TUT1: variants seen among roughly 807,000 people sequenced by gnomAD.
TUT1 encodes the protein speckle targeted PIP5K1A-regulated poly(A) polymerase.
A neutral mutation model predicts 48.8 loss-of-function variants in TUT1; 26 were observed. The observed-to-expected ratio is 0.53, with a 90% CI of 0.39 to 0.74. TUT1 has a LOEUF of 0.74. Ranked by LOEUF, TUT1 falls within the 30% of genes least tolerant of loss-of-function variation. The probability of loss-of-function intolerance (pLI) is 0.00; values close to 1 mark genes in which losing one functional copy is unlikely to be tolerated. For missense variants in TUT1, 1,065 were observed against 1,114.8 expected, an observed-to-expected ratio of 0.96 and a Z score of 0.64; for synonymous variants, 470 against 460.8, an observed-to-expected ratio of 1.02 and a Z score of -0.26.
intron 1 of TUT1, among the ~76,000 whole-genome samples, chr11:62,591,166 A>T (rs2134318476): frequency 6.6e-6 from 1 of 151,524 alleles, no homozygotes; most frequent in South Asian, 2.1e-4. Flanking sequence ...GATGATGGTT[A>T]AAGAAGTAAT....
chr11:62,591,197 G>T, intron 1 of TUT1: 1 of 557,768 alleles, frequency 1.8e-6, no homozygotes, highest in Non-Finnish European at 2.3e-6. Flanking sequence ...AACTTGCGTT[G>T]TGGAGATTTC....
intron 5 of TUT1, 75 bp from the exon 6 acceptor site, chr11:62,577,366 C>T: frequency 8.5e-7 from 1 of 1,171,720 alleles, no homozygotes; most frequent in Non-Finnish European, 1.2e-6. Context: ...TCATTCCAGA[C>T]TTGCATAACT....
rs1590716438 is a variant in TUT1 at position 62,577,347 on chromosome 11, C to G, written c.1161-56G>C. ...GCTTGGGGATGTCAGAACCTACCAC[C>G]CCCAGCTTTCATTCCAGACTTGCAT... On this transcript the variant is annotated intron_variant, in intron 5 of 8. Transcript: ENST00000476907. 2.9e-6 allele frequency: 4 copies of G among 1,376,860 alleles called. No individual in the cohort carries two copies. In the East Asian group the frequency reaches 9.4e-5, roughly 32 times the overall value. 85.3% of individuals were successfully genotyped at this position (1,376,860 alleles called of 1,614,324 possible).
chr11:62,588,758 G>A (rs577884824), intron 2 of TUT1, among the ~76,000 whole-genome samples: 20 of 152,252 alleles, frequency 1.3e-4, no homozygotes, highest in African/African-American at 3.9e-4. Flanking sequence ...ACAGTGGCAC[G>A]ATCTCAGCTT....
intron 1 of TUT1, among the ~76,000 whole-genome samples, chr11:62,590,546 A>G (rs544019494): frequency 6.6e-6 from 1 of 151,942 alleles, no homozygotes; most frequent in Non-Finnish European, 1.5e-5. Flanking sequence ...CTGAGGCAGG[A>G]GAATGGGGTG....
intron 1 of TUT1, 123 bp from the exon 2 acceptor site, chr11:62,589,344 C>G: frequency 2.4e-6 from 2 of 844,666 alleles, no homozygotes; most frequent in Non-Finnish European, 1.8e-6. Context: ...TTTGAATAAA[C>G]AAAGTCCTGG....
At chr11:62,576,345 C>T (rs1941727600) in intron 8 of TUT1, 101 bp from the exon 9 acceptor site, 3 of 1,381,438 alleles carry the variant, frequency 2.2e-6, no homozygotes, top group Non-Finnish European at 2.9e-6. Context: ...TTTTTCCCTT[C>T]CAAGGGGCTC....
intron 4 of TUT1, among the ~76,000 whole-genome samples, chr11:62,580,890 G>A (rs1320083483): frequency 6.6e-6 from 1 of 152,034 alleles, no homozygotes; most frequent in Non-Finnish European, 1.5e-5. Context: ...GATTACAGGC[G>A]CGAGCCACTG....
At position 62,581,630 on chromosome 11, in the gene TUT1, G is replaced by A. The variant is rs1941828348; in HGVS notation, c.345C>T (p.Ser115=). ...GGACACGCAGGCGATGTCCTCCCAG[G>A]CTGTGCTGGGACTGTGACAAGACAG... The part of the protein sequence containing the change: ...REAVLSQSQH[S]LGGHRLRVRP... Residue 115 remains serine, a synonymous_variant, in exon 3 of 9, where the codon AGC becomes AGT. Coordinates refer to ENST00000476907, the MANE Select transcript of TUT1 (RefSeq NM_022830.3). The A allele has an allele frequency of 6.4e-7, 1 of 1,569,188 alleles. No individual in the cohort carries two copies. The highest frequency in any genetic ancestry group is 2.3e-5 in the East Asian group (1 of 44,368).
At chr11:62,587,866 A>C (rs376470715) in intron 2 of TUT1, among the ~76,000 whole-genome samples, 13 of 152,330 alleles carry the variant, frequency 8.5e-5, no homozygotes, top group African/African-American at 2.9e-4. Context: ...ACCAAAACCT[A>C]CAGGGAAGCA....
chr11:62,590,469 T>A (rs1282669825), intron 1 of TUT1, among the ~76,000 whole-genome samples: 1 of 151,974 alleles, frequency 6.6e-6, no homozygotes, highest in Non-Finnish European at 1.5e-5. Context: ...ACCTCGTCTC[T>A]ACTAAAAAAT....
chr11:62,579,082 G>GATA (rs1941782342), intron 4 of TUT1, 52 bp from the exon 5 acceptor site: 1 of 1,313,748 alleles, frequency 7.6e-7, no homozygotes, highest in South Asian at 1.8e-5. Context: ...CCTAAGCAGG[G>GATA]ATCTCTCAAG....
chr11:62,578,677 G>C lies in TUT1; in HGVS notation c.1044C>G (p.Leu348=). The C allele has an allele frequency of 6.2e-7, 1 of 1,614,222 alleles. No homozygotes were observed. The highest frequency in any genetic ancestry group is 8.5e-7 in the Non-Finnish European group (1 of 1,180,046). The change falls in exon 5 of 9, where the codon CTC becomes CTG. Residue 348 remains leucine, a synonymous_variant. Coordinates refer to ENST00000476907, the MANE Select transcript of TUT1 (RefSeq NM_022830.3). ...GATACACCCCAGGGACACAGCCCCG[G>C]AGAATGGATCCCACCAGCTCCAGCA... ...AAMLELVGSI[L]RGCVPGVYRV...
chr11:62,583,171 G>A (rs566041844), intron 2 of TUT1, among the ~76,000 whole-genome samples: 1 of 150,876 alleles, frequency 6.6e-6, no homozygotes, highest in East Asian at 1.9e-4. Flanking sequence ...AATAAACACT[G>A]TGCGAGGCAT....
At chr11:62,576,861 G>C in intron 7 of TUT1, 46 bp downstream of exon 7, 5 of 1,601,110 alleles carry the variant, frequency 3.1e-6, no homozygotes, top group Non-Finnish European at 4.3e-6. Flanking sequence ...ATGAAGAAGA[G>C]AGAGGAAACT....
intron 4 of TUT1, among the ~76,000 whole-genome samples, chr11:62,579,813 G>A (rs1042268292): frequency 2.7e-4 from 41 of 151,812 alleles, no homozygotes; most frequent in Admixed American, 1.7e-3. Flanking sequence ...TTACAGGTAC[G>A]TGCCACCATA....
chr11:62,580,672 G>A (rs151105381), intron 4 of TUT1, among the ~76,000 whole-genome samples: 3,988 of 133,548 alleles, frequency 0.03, 119 homozygotes, highest in African/African-American at 0.084. Flanking sequence ...GCACAATCTC[G>A]GCTCACTGCA....
At position 62,581,140 on chromosome 11, in the gene TUT1, A is replaced by C; in HGVS notation, c.656T>G (p.Leu219Arg). 1.2e-6 allele frequency: 2 copies of C among 1,614,166 alleles called. No individual in the cohort carries two copies. The highest frequency in any genetic ancestry group is 2.7e-5 in the African/African-American group (2 of 75,044). ...TTCCAAGTCACCCAGATCCAAGAAG[A>C]GGTCAAGATCACAGCCATGGACATC... The part of the protein sequence containing the change: ...SFDVHGCDLD[L>R]FLDLGDLEEP... Residue 219 changes from leucine (L) to arginine (R), a missense_variant, in exon 4 of 9, where the codon CTC (leucine) becomes CGC (arginine). Transcript: ENST00000476907.
At position 62,589,231 on chromosome 11, in the gene TUT1, C is replaced by A; in HGVS notation, c.83-10G>T. On this transcript the variant is annotated splice_polypyrimidine_tract_variant and intron_variant, in intron 1 of 8. Coordinates refer to ENST00000476907, the MANE Select transcript of TUT1 (RefSeq NM_022830.3). ...GCATCAAGGCTGGGTCCTGCAAAGA[C>A]AAGTGTGAGACAAAAACATGCAAAG... 6.2e-7 allele frequency: 1 copy of A among 1,613,048 alleles called. No homozygotes were observed.
Sources: gnomAD v4.1 joint callset for allele counts (sites outside exome capture counted in the v4.1 genomes callset) on GRCh38, gnomAD v4.1.1 for gene constraint, MANE v1.5 for transcripts, NCBI Gene and HGNC (gene_info 2026-07-23, HGNC 2026-07-21) for gene names.